The following TSKU variants were observed in gnomAD, a reference collection of about 807,000 sequenced individuals.
TSKU encodes the protein tsukushi.
In TSKU, 4 loss-of-function variants were observed where a neutral mutation model predicts 11.2. The ratio of observed to expected loss-of-function variants is 0.36; its 90% CI spans 0.18 to 0.82. TSKU has a LOEUF of 0.82. Among genes scored for constraint, TSKU ranks in the 40% least tolerant of loss-of-function variants. TSKU has a pLI of 0.50. For missense variants in TSKU, 407 were observed against 482.5 expected (o/e 0.84, Z 1.47); for synonymous variants, 220 against 232.2 (o/e 0.95, Z 0.48).
At chr11:76,782,934 A>G (rs1944252654), upstream of TSKU, 2 of 152,328 alleles carry the variant, frequency 1.3e-5, no homozygotes, top group South Asian at 4.1e-4. Flanking sequence ...CTTTCTTACT[A>G]GCAACTAATT....
intron 1 of TSKU, among the ~76,000 whole-genome samples, chr11:76,785,441 C>T (rs1374514452): frequency 6.6e-6 from 1 of 152,116 alleles, no homozygotes; most frequent in African/African-American, 2.4e-5. Flanking sequence ...GGGAATAACC[C>T]GGAGAAGGGG....
intron 1 of TSKU, among the ~76,000 whole-genome samples, chr11:76,785,799 GCCGAGAGA>G (rs1459853492): frequency 1.3e-5 from 2 of 152,120 alleles, no homozygotes; most frequent in African/African-American, 4.8e-5. Context: ...GGTGCTGGAG[GCCGAGAGA>G]CCAATCTGGA....
intron 1 of TSKU, among the ~76,000 whole-genome samples, chr11:76,789,793 G>T (rs1222782981): frequency 2.0e-5 from 3 of 152,042 alleles, no homozygotes; most frequent in Non-Finnish European, 4.4e-5. Context: ...TTTTTCCTGG[G>T]GGTAGAGTAC....
At chr11:76,793,056 C>G (rs1038530619) in intron 1 of TSKU, among the ~76,000 whole-genome samples, 7 of 152,266 alleles carry the variant, frequency 4.6e-5, no homozygotes, top group Admixed American at 1.3e-4. Flanking sequence ...TCGTCACTTC[C>G]CACTGCAAAT....
intron 1 of TSKU, among the ~76,000 whole-genome samples, chr11:76,789,305 G>A (rs969592247): frequency 2.0e-5 from 3 of 152,240 alleles, no homozygotes; most frequent in Non-Finnish European, 4.4e-5. Flanking sequence ...GGAGAAGAAG[G>A]TGGTGACAAC....
chr11:76,784,205 G>C (rs1327443851), intron 1 of TSKU: 2 of 152,700 alleles, frequency 1.3e-5, no homozygotes, highest in Admixed American at 1.3e-4. Context: ...CCCTGGGCTG[G>C]GGAGAGGAAG....
At chr11:76,782,521 C>T (rs1294558809), upstream of TSKU, 1 of 151,858 alleles carries the variant, frequency 6.6e-6, no homozygotes, top group Non-Finnish European at 1.5e-5. Flanking sequence ...GTCATTTCTC[C>T]TGCAAACCCT....
intron 1 of TSKU, among the ~76,000 whole-genome samples, chr11:76,787,629 G>A (rs755892075): frequency 5.9e-5 from 9 of 152,296 alleles, no homozygotes; most frequent in Middle Eastern, 3.4e-3. Flanking sequence ...GTGAGGTAGC[G>A]GTATTCTAGA....
At chr11:76,789,458 C>T (rs1315602214) in intron 1 of TSKU, among the ~76,000 whole-genome samples, 2 of 152,170 alleles carry the variant, frequency 1.3e-5, no homozygotes, top group African/African-American at 4.8e-5. Context: ...CTGGGGAGAC[C>T]TGCCTGGAGC....
intron 1 of TSKU, chr11:76,791,872 C>T (rs1200266123): frequency 1.3e-5 from 2 of 152,370 alleles, no homozygotes; most frequent in African/African-American, 4.8e-5. Flanking sequence ...TGGAGAACCT[C>T]TGCTAGGGCA....
chr11:76,795,240 A>G (rs904626425), intron 1 of TSKU, among the ~76,000 whole-genome samples: 3 of 152,196 alleles, frequency 2.0e-5, no homozygotes, highest in African/African-American at 7.2e-5. Context: ...GAAACCGTCT[A>G]GTCTGGTGGG....
intron 1 of TSKU, among the ~76,000 whole-genome samples, chr11:76,795,252 T>C (rs1194011087): frequency 6.6e-6 from 1 of 152,146 alleles, no homozygotes; most frequent in African/African-American, 2.4e-5. Flanking sequence ...TCTGGTGGGT[T>C]TCAAACTGGG....
rs374281937 is a variant in TSKU, at chr11:76,796,075, G to T, written c.459G>T (p.Thr153=). The T allele has an allele frequency of 6.9e-5, 112 of 1,613,874 alleles. No individual in the cohort carries two copies. Among genetic ancestry groups the T allele is most frequent in the Non-Finnish European group, 9.2e-5 (108 of 1,180,032 alleles). The change falls in exon 2 of 2, where the codon ACG becomes ACT. Residue 153 remains threonine, a synonymous_variant. Coordinates refer to ENST00000333090, the MANE Select transcript of TSKU (RefSeq NM_015516.4). This position sits in a 1 kb window ranked among gnomAD's most constrained non-coding sequence, Gnocchi z 4.1. ...AGGTCTCAGTGTCTGCCTTCACGAC[G>T]CACAGTCAGGGCCGGGCACTACACG... ...LREVSVSAFT[T]HSQGRALHVD...
chr11:76,789,790 T>C (rs1944347244), intron 1 of TSKU, among the ~76,000 whole-genome samples: 1 of 152,150 alleles, frequency 6.6e-6, no homozygotes, highest in Non-Finnish European at 1.5e-5. Flanking sequence ...CTCTTTTTCC[T>C]GGGGGTAGAG....
chr11:76,786,768 G>A (rs1944316890), intron 1 of TSKU, among the ~76,000 whole-genome samples: 1 of 152,224 alleles, frequency 6.6e-6, no homozygotes, highest in Non-Finnish European at 1.5e-5. Flanking sequence ...CAACACAGCA[G>A]CTTTTGCCTG....
At chr11:76,794,014 T>A (rs1944408751) in intron 1 of TSKU, among the ~76,000 whole-genome samples, 1 of 151,996 alleles carries the variant, frequency 6.6e-6, no homozygotes. Context: ...CTCTCTCACC[T>A]CCTTCCTGAA....
intron 1 of TSKU, among the ~76,000 whole-genome samples, chr11:76,786,568 C>T (rs1183627202): frequency 6.6e-6 from 1 of 152,110 alleles, no homozygotes; most frequent in Non-Finnish European, 1.5e-5. Flanking sequence ...TTGGGAAGTG[C>T]GTTCTGGTGC....
chr11:76,785,771 C>T (rs1009959182), intron 1 of TSKU, among the ~76,000 whole-genome samples: 7 of 152,114 alleles, frequency 4.6e-5, no homozygotes, highest in African/African-American at 9.7e-5. Context: ...CTATGAAACC[C>T]GTCTCTGGCT....
intron 1 of TSKU, among the ~76,000 whole-genome samples, chr11:76,794,158 C>G (rs10899283): frequency 4.8e-4 from 73 of 152,096 alleles, no homozygotes; most frequent in African/African-American, 1.3e-3. Context: ...GCCGGGGTGA[C>G]GACAGACTAT....
Sources: gnomAD v4.1 joint callset for allele counts (sites outside exome capture counted in the v4.1 genomes callset) on GRCh38, gnomAD v4.1.1 for gene constraint, Gnocchi (gnomAD v3.1) non-coding constraint, MANE v1.5 for transcripts, NCBI Gene and HGNC (gene_info 2026-07-23, HGNC 2026-07-21) for gene names.